Variants in HSD17B3 observed in about 807,000 individuals in gnomAD.
HSD17B3 encodes the protein 17-beta-hydroxysteroid dehydrogenase type 3.
A neutral mutation model predicts 41.1 loss-of-function variants in HSD17B3; 29 were observed. The ratio of observed to expected loss-of-function variants is 0.71; its 90% CI spans 0.53 to 0.96. The LOEUF (loss-of-function observed/expected upper bound fraction) is 0.96. Ranked by LOEUF, HSD17B3 falls within the 40% of genes least tolerant of loss-of-function variation. The pLI is 0.00. For synonymous variants in HSD17B3, 126 were observed against 145.6 expected, an observed-to-expected ratio of 0.87 and a Z score of 0.97; for missense variants, 323 against 374.6, an observed-to-expected ratio of 0.86 and a Z score of 1.14.
At chr9:96,267,486 C>T (rs1826085136) in intron 2 of HSD17B3, among the ~76,000 whole-genome samples, 2 of 152,082 alleles carry the variant, frequency 1.3e-5, no homozygotes, top group African/African-American at 2.4e-5. Flanking sequence ...AAAAAAATAC[C>T]TTCGGAGGAA....
intron 9 of HSD17B3, among the ~76,000 whole-genome samples, 187 bp from the exon 10 acceptor site, chr9:96,241,094 A>G (rs1836423841): frequency 6.6e-6 from 1 of 152,196 alleles, no homozygotes; most frequent in Non-Finnish European, 1.5e-5. Context: ...TGGTTTCTCA[A>G]GATGAGAACC....
At chr9:96,301,864 G>A in intron 1 of HSD17B3, 87 bp downstream of exon 1, 1 of 1,439,408 alleles carries the variant, frequency 6.9e-7, no homozygotes, top group Non-Finnish European at 9.7e-7. Flanking sequence ...CTGGGTGACA[G>A]AGCAAGTGTC....
At chr9:96,254,744 G>T in intron 3 of HSD17B3, 124 bp downstream of exon 3, 1 of 817,540 alleles carries the variant, frequency 1.2e-6, no homozygotes, top group Non-Finnish European at 2.1e-6. Context: ...GGGCTCCCCA[G>T]GAGAGCTGGT....
intron 7 of HSD17B3, among the ~76,000 whole-genome samples, chr9:96,246,230 T>G (rs1204568625): frequency 3.9e-5 from 6 of 152,218 alleles, no homozygotes; most frequent in Non-Finnish European, 7.3e-5. Flanking sequence ...AAAGAGATGG[T>G]CTTGATCTCG....
At chr9:96,274,454 C>G (rs1486144544) in intron 2 of HSD17B3, among the ~76,000 whole-genome samples, 4 of 152,012 alleles carry the variant, frequency 2.6e-5, no homozygotes, top group Admixed American at 2.6e-4. Flanking sequence ...GAGTGAGACT[C>G]CATCTCAAAA....
At chr9:96,280,744 GT>G in intron 2 of HSD17B3, among the ~76,000 whole-genome samples, 1 of 152,236 alleles carries the variant, frequency 6.6e-6, no homozygotes, top group Non-Finnish European at 1.5e-5. Context: ...GAGGTAAGAG[GT>G]CAACACAAAA....
At chr9:96,275,119 T>C (rs1184850271) in intron 2 of HSD17B3, among the ~76,000 whole-genome samples, 1 of 151,800 alleles carries the variant, frequency 6.6e-6, no homozygotes, top group Non-Finnish European at 1.5e-5. Context: ...CGACCAAGAA[T>C]ACTATACCCA....
At chr9:96,297,566 C>T (rs1310122904) in intron 2 of HSD17B3, among the ~76,000 whole-genome samples, 1 of 151,912 alleles carries the variant, frequency 6.6e-6, no homozygotes, top group African/African-American at 2.4e-5. Flanking sequence ...AGGCTGGTCT[C>T]GAACTCCTGA....
chr9:96,284,841 A>ATTTT (rs35535710), intron 2 of HSD17B3, among the ~76,000 whole-genome samples: 1 of 145,924 alleles, frequency 6.9e-6, no homozygotes, highest in Non-Finnish European at 1.5e-5. Context: ...ATCAAAGCCA[A>ATTTT]TTTTTTTTTT....
intron 2 of HSD17B3, among the ~76,000 whole-genome samples, chr9:96,267,558 G>T (rs752192586): frequency 6.6e-6 from 1 of 151,824 alleles, no homozygotes; most frequent in Admixed American, 6.6e-5. Flanking sequence ...ATTCAAAAAC[G>T]TAAAACATTT....
At chr9:96,270,887 G>A (rs1180151168) in intron 2 of HSD17B3, among the ~76,000 whole-genome samples, 1 of 137,220 alleles carries the variant, frequency 7.3e-6, no homozygotes, top group Non-Finnish European at 1.5e-5. Flanking sequence ...ATATCAGAGT[G>A]ACAAAAAGTA....
At chr9:96,300,250 A>ACACACACACACACACACG (rs747577630) in intron 1 of HSD17B3, among the ~76,000 whole-genome samples, 1 of 151,120 alleles carries the variant, frequency 6.6e-6, no homozygotes, top group Non-Finnish European at 1.5e-5. Context: ...ACACACACAC[A>ACACACACACACACACACG]CACGCACACA....
chr9:96,245,402 A>C lies in HSD17B3; in HGVS notation c.549T>G (p.Ile183Met), dbSNP rs943097247. The change falls in exon 8 of 11, where the codon ATT becomes ATG. Residue 183 changes from isoleucine (I) to methionine (M), a missense_variant. Physicochemically the swap from Ile to Met is conservative, Grantham distance 10. Coordinates refer to ENST00000375263, the MANE Select transcript of HSD17B3 (RefSeq NM_000197.2). ...AAGGAAACAGGGCTATCCCAGAAGA[A>C]ATGTTCAGGATGAGACCTTTCTGCC... ...ESRQKGLILN[I>M]SSGIALFPWP... 6 of 1,614,004 alleles carry C rather than the reference A, an allele frequency of 3.7e-6. No individual in the cohort carries two copies. Among genetic ancestry groups the C allele is most frequent in the African/African-American group, 2.7e-5 (2 of 74,934 alleles).
intron 6 of HSD17B3, chr9:96,247,269 T>G (rs1332428267): frequency 3.9e-5 from 6 of 153,676 alleles, no homozygotes; most frequent in Non-Finnish European, 7.2e-5. Context: ...TGGACTGAAA[T>G]GTTCTCTGAA....
intron 2 of HSD17B3, among the ~76,000 whole-genome samples, chr9:96,259,881 T>C (rs1359375166): frequency 6.6e-6 from 1 of 152,238 alleles, no homozygotes; most frequent in Non-Finnish European, 1.5e-5. Flanking sequence ...AGTCTGTTCA[T>C]CAGTATTTGG....
At chr9:96,279,053 C>T (rs935314736) in intron 2 of HSD17B3, among the ~76,000 whole-genome samples, 2 of 152,182 alleles carry the variant, frequency 1.3e-5, no homozygotes, top group African/African-American at 4.8e-5. Flanking sequence ...TCCTCCACTA[C>T]GTGGCAGGAT....
At chr9:96,271,169 A>T (rs1175354802) in intron 2 of HSD17B3, among the ~76,000 whole-genome samples, 1 of 152,170 alleles carries the variant, frequency 6.6e-6, no homozygotes, top group Non-Finnish European at 1.5e-5. Context: ...AAGGCTGATA[A>T]AAGAGACATG....
intron 2 of HSD17B3, among the ~76,000 whole-genome samples, chr9:96,269,568 G>A (rs982721513): frequency 1.3e-5 from 2 of 151,886 alleles, no homozygotes; most frequent in Admixed American, 6.6e-5. Flanking sequence ...CATCCATGTC[G>A]GCATGGATGA....
chr9:96,244,578 C>T (rs1836584367), intron 8 of HSD17B3, among the ~76,000 whole-genome samples, 184 bp from the exon 9 acceptor site: 1 of 151,848 alleles, frequency 6.6e-6, no homozygotes. Context: ...TAGAGATCTA[C>T]TATACAGCAT....
Sources: gnomAD v4.1 joint callset for allele counts (sites outside exome capture counted in the v4.1 genomes callset) on GRCh38, gnomAD v4.1.1 for gene constraint, MANE v1.5 for transcripts, NCBI Gene and HGNC (gene_info 2026-07-23, HGNC 2026-07-21) for gene names.